The following SLC37A2 variants were observed in gnomAD, a reference collection of about 807,000 sequenced individuals.
The protein encoded by SLC37A2 is glucose-6-phosphate exchanger SLC37A2.
SLC37A2 carries 59 observed loss-of-function variants against 70.7 expected under a neutral mutation model. The ratio of observed to expected loss-of-function variants is 0.83; its 90% confidence interval spans 0.68 to 1.04. The LOEUF is 1.04. Among genes scored for constraint, SLC37A2 ranks in the 50% least tolerant of loss-of-function variants. The pLI, the probability that SLC37A2 is intolerant of heterozygous loss-of-function variation, is 0.00. For synonymous variants in SLC37A2, 257 were observed against 262.1 expected, an observed-to-expected ratio of 0.98 and a Z score of 0.19; for missense variants, 580 against 658.1, an observed-to-expected ratio of 0.88 and a Z score of 1.30.
chr11:125,086,946 A>T (rs1193390527), intron 17 of SLC37A2: 1 of 156,810 alleles, frequency 6.4e-6, no homozygotes, highest in Admixed American at 6.3e-5. Context: ...CTTAAGGAAG[A>T]CACCACCCAG....
chr11:125,065,557 A>T (rs1948972499), intron 1 of SLC37A2, among the ~76,000 whole-genome samples: 1 of 152,158 alleles, frequency 6.6e-6, no homozygotes, highest in African/African-American at 2.4e-5. Flanking sequence ...CCAGAGAGTG[A>T]CCTTCCTTTT....
At position 125,063,404 on chromosome 11, in the gene SLC37A2, C is replaced by T. The variant is rs371403159; in HGVS notation, c.37C>T (p.Arg13Trp). ...SSLAPGVWFFRAFSRDSWFRG... is the reference protein window; with the variant it reads ...SSLAPGVWFFWAFSRDSWFRG... ...CCTGGCTCCGGGAGTCTGGTTCTTC[C>T]GGGCCTTCTCCAGGGACAGCTGGTG... The change falls in exon 1 of 18, where the codon CGG (arginine) becomes TGG (tryptophan). Residue 13 changes from arginine to tryptophan, a missense_variant. Coordinates refer to ENST00000403796, the MANE Select transcript of SLC37A2 (RefSeq NM_001145290.2). This position sits in a 1 kb window ranked among gnomAD's most constrained non-coding sequence, Gnocchi z 5.4. The T allele has an allele frequency of 1.4e-5, 23 of 1,611,714 alleles. No homozygotes were observed. Among genetic ancestry groups the T allele is most frequent in the Non-Finnish European group, 1.8e-5 (21 of 1,179,196 alleles).
At chr11:125,084,411 A>T in intron 12 of SLC37A2, 92 bp downstream of exon 12, 1 of 1,290,238 alleles carries the variant, frequency 7.8e-7, no homozygotes. Context: ...CGTTACACAC[A>T]TTGATGTCGC....
At chr11:125,074,838 C>A (rs962325741) in intron 1 of SLC37A2, among the ~76,000 whole-genome samples, 4 of 152,226 alleles carry the variant, frequency 2.6e-5, no homozygotes, top group Non-Finnish European at 4.4e-5. Context: ...CCCTGAGGAT[C>A]TTTCAGACAC....
chr11:125,063,351 G>C lies in SLC37A2; in HGVS notation c.-17G>C, dbSNP rs1225572714. The C allele has an allele frequency of 6.2e-7, 1 of 1,609,220 alleles. No individual in the cohort carries two copies. On this transcript the variant is annotated 5_prime_UTR_variant, in exon 1 of 18. Coordinates refer to ENST00000403796, the MANE Select transcript of SLC37A2 (RefSeq NM_001145290.2). The surrounding 1 kb of genome is among the most constrained non-coding windows in gnomAD (Gnocchi z 5.4). ...AGCCTCCTCCGTCGACTCAGCCTTA[G>C]GTACCGGTCAGGCAAAATGCGGTCC... is the stretch of plus-strand genomic sequence containing the variant.
At position 125,081,888 on chromosome 11, in the gene SLC37A2, TG is replaced by T. The variant is rs1200595586; in HGVS notation, c.871del (p.Ala291ArgfsTer56). The T allele has an allele frequency of 1.2e-6, 2 of 1,611,658 alleles. No individual in the cohort carries two copies. The highest frequency in any genetic ancestry group is 1.7e-6 in the Non-Finnish European group (2 of 1,179,076). On this transcript the variant is annotated frameshift_variant, in exon 9 of 18. Coordinates refer to ENST00000403796, the MANE Select transcript of SLC37A2 (RefSeq NM_001145290.2). LOFTEE classifies it high-confidence loss of function. ...CEEPAAISFFGALRIPGVVEF... is the reference protein window; with the variant it reads ...CEEPAAISFFXALRIPGVVEF... ...AAGAGCCTGCTGCCATCAGCTTCTT[TG>T]GGGCGCTCCGGATCCCAGTAAGAAG...
chr11:125,081,090 T>C (rs1949141934), intron 7 of SLC37A2, among the ~76,000 whole-genome samples: 1 of 152,086 alleles, frequency 6.6e-6, no homozygotes, highest in African/African-American at 2.4e-5. Flanking sequence ...GAAGGGACAT[T>C]GTTACAGTGA....
At chr11:125,078,585 T>C (rs1949114111) in intron 4 of SLC37A2, among the ~76,000 whole-genome samples, 1 of 152,124 alleles carries the variant, frequency 6.6e-6, no homozygotes, top group Admixed American at 6.5e-5. Context: ...TGAGCCTGGC[T>C]TGAGTGCCCA....
chr11:125,076,376 T>C (rs1228263448), intron 1 of SLC37A2, among the ~76,000 whole-genome samples: 1 of 152,032 alleles, frequency 6.6e-6, no homozygotes, highest in Non-Finnish European at 1.5e-5. Context: ...ATTTTAGACA[T>C]GTGAAAACCA....
chr11:125,081,377 G>T (rs932527404), intron 7 of SLC37A2, 44 bp from the exon 8 acceptor site: 4 of 1,579,990 alleles, frequency 2.5e-6, no homozygotes, highest in Non-Finnish European at 3.4e-6. Context: ...GGATTGGGGG[G>T]GCGGGGGTTG....
chr11:125,066,963 CTATTTTATTT>C (rs67287584), intron 1 of SLC37A2, among the ~76,000 whole-genome samples: 56 of 150,734 alleles, frequency 3.7e-4, no homozygotes, highest in Middle Eastern at 6.8e-3. Context: ...AGCCTAGTAA[CTATTTTATTT>C]TATTTTATTT....
intron 1 of SLC37A2, among the ~76,000 whole-genome samples, chr11:125,070,891 G>A (rs1024823535): frequency 3.3e-5 from 5 of 152,184 alleles, no homozygotes; most frequent in Admixed American, 6.5e-5. Context: ...CATTGACCTC[G>A]GGTGGGGCTG....
intron 1 of SLC37A2, among the ~76,000 whole-genome samples, chr11:125,071,861 T>TGGGGGGGGGGGGGGGGGGGGGGGGGGGG: frequency 2.2e-5 from 1 of 45,486 alleles, no homozygotes; most frequent in African/African-American, 7.9e-5. Context: ...GGAGGGGGGG[T>TGGGGGGGGGGGGGGGGGGGGGGGGGGGG]GGGCACTGTC....
chr11:125,079,696 C>T lies in SLC37A2; in HGVS notation c.463C>T (p.Leu155Phe). The change falls in exon 6 of 18, where the codon CTC becomes TTC. Residue 155 changes from leucine (L) to phenylalanine (F), a missense_variant. By Grantham distance (22) the Leu-to-Phe change is conservative. Coordinates refer to ENST00000403796, the MANE Select transcript of SLC37A2 (RefSeq NM_001145290.2). ...YFVVIQVCNG[L>F]VQTTGWPSVV... Reference sequence around the variant, plus strand: ...TCTCTCCCTGCAGGTCTGTAATGGACTCGTCCAGACCACAGGCTGGCCCTC... The same window carrying T: ...TCTCTCCCTGCAGGTCTGTAATGGATTCGTCCAGACCACAGGCTGGCCCTC... 1 of 1,604,750 alleles carries T rather than the reference C, an allele frequency of 6.2e-7. No individual in the cohort carries two copies. Among genetic ancestry groups the T allele is most frequent in the Non-Finnish European group, 8.5e-7 (1 of 1,175,420 alleles).
chr11:125,067,085 TC>T (rs1343596388), intron 1 of SLC37A2, among the ~76,000 whole-genome samples: 1 of 152,178 alleles, frequency 6.6e-6, no homozygotes, highest in Non-Finnish European at 1.5e-5. Flanking sequence ...GCTCAAGGGA[TC>T]CTCTTGCCTG....
chr11:125,073,200 A>G (rs1211917373), intron 1 of SLC37A2, among the ~76,000 whole-genome samples: 1 of 152,132 alleles, frequency 6.6e-6, no homozygotes, highest in Non-Finnish European at 1.5e-5. Context: ...CTGTCTGCCC[A>G]CGGGAGCAGG....
intron 16 of SLC37A2, 61 bp from the exon 17 acceptor site, chr11:125,085,893 G>A (rs1407355683): frequency 2.6e-5 from 38 of 1,481,626 alleles, no homozygotes; most frequent in South Asian, 3.4e-5. Context: ...CCCTGGTGCT[G>A]GGCACTCAGT....
Position 125,063,338 on chromosome 11 carries a change from C to T in SLC37A2, c.-30C>T, listed in dbSNP as rs747096242. Reference sequence around the variant, plus strand: ...CGCCCAGCTCTGTAGCCTCCTCCGTCGACTCAGCCTTAGGTACCGGTCAGG... The same window carrying T: ...CGCCCAGCTCTGTAGCCTCCTCCGTTGACTCAGCCTTAGGTACCGGTCAGG... On this transcript the variant is annotated 5_prime_UTR_variant, in exon 1 of 18. Transcript: ENST00000403796. This position sits in a 1 kb window ranked among gnomAD's most constrained non-coding sequence, Gnocchi z 5.4. 28 of 1,598,434 alleles carry T rather than the reference C, an allele frequency of 1.8e-5. No individual in the cohort carries two copies. The highest frequency in any genetic ancestry group is 2.4e-5 in the Non-Finnish European group (28 of 1,169,698).
At chr11:125,086,256 CT>C in intron 17 of SLC37A2, 1 of 1,609,164 alleles carries the variant, frequency 6.2e-7, no homozygotes, top group South Asian at 1.1e-5. Flanking sequence ...AGTCCCATGA[CT>C]TTTGTGAGTA....
Sources: gnomAD v4.1 joint callset for allele counts (sites outside exome capture counted in the v4.1 genomes callset) on GRCh38, gnomAD v4.1.1 for gene constraint, Gnocchi (gnomAD v3.1) non-coding constraint, MANE v1.5 for transcripts, NCBI Gene and HGNC (gene_info 2026-07-23, HGNC 2026-07-21) for gene names.